The following TRABD2B variants were observed in gnomAD, a reference collection of about 807,000 sequenced individuals.
The protein encoded by TRABD2B is metalloprotease TIKI2.
In TRABD2B, 14 loss-of-function variants were observed where a neutral mutation model predicts 40.1. The observed-to-expected ratio is 0.35, with a 90% confidence interval of 0.23 to 0.55. The LOEUF (loss-of-function observed/expected upper bound fraction) is 0.55, where lower values mean the gene tolerates loss of function less well. Among genes scored for constraint, TRABD2B ranks in the 20% least tolerant of loss-of-function variants. The pLI, the probability that TRABD2B is intolerant of heterozygous loss-of-function variation, is 0.90. For synonymous variants in TRABD2B, 263 were observed against 277.0 expected (o/e 0.95, Z 0.50); for missense variants, 541 against 648.6 (o/e 0.83, Z 1.80).
chr1:47,824,421 G>A (rs1645149467), intron 2 of TRABD2B, among the ~76,000 whole-genome samples: 1 of 152,158 alleles, frequency 6.6e-6, no homozygotes. Flanking sequence ...TGCTGTACAT[G>A]CCCTTCATCC....
chr1:47,850,279 G>A (rs1364790360), intron 2 of TRABD2B, among the ~76,000 whole-genome samples: 2 of 152,224 alleles, frequency 1.3e-5, no homozygotes, highest in African/African-American at 2.4e-5. Flanking sequence ...ACGTGTGATG[G>A]AGGACTTTCT....
intron 2 of TRABD2B, among the ~76,000 whole-genome samples, chr1:47,965,042 T>C (rs1645578335): frequency 6.6e-6 from 1 of 151,820 alleles, no homozygotes; most frequent in Admixed American, 6.6e-5. Flanking sequence ...AGAGATGTAC[T>C]AAGGGGCTTT....
intron 2 of TRABD2B, among the ~76,000 whole-genome samples, chr1:47,812,161 A>G (rs184704992): frequency 6.6e-6 from 1 of 152,298 alleles, no homozygotes; most frequent in Non-Finnish European, 1.5e-5. Flanking sequence ...GATTTCATAA[A>G]CCGAACACAC....
At chr1:47,895,865 C>T (rs571857424) in intron 2 of TRABD2B, among the ~76,000 whole-genome samples, 1 of 152,242 alleles carries the variant, frequency 6.6e-6, no homozygotes, top group Non-Finnish European at 1.5e-5. Context: ...CCCAGGCCTG[C>T]CTCCTCGTAC....
chr1:47,919,114 T>G (rs1318752276), intron 2 of TRABD2B, among the ~76,000 whole-genome samples: 1 of 152,084 alleles, frequency 6.6e-6, no homozygotes, highest in Non-Finnish European at 1.5e-5. Flanking sequence ...ATTATAGGTC[T>G]CCCCAGTTCG....
At chr1:47,781,144 G>C (rs1308479748) in intron 4 of TRABD2B, among the ~76,000 whole-genome samples, 1 of 152,212 alleles carries the variant, frequency 6.6e-6, no homozygotes, top group Non-Finnish European at 1.5e-5. Context: ...GACGGGAAGA[G>C]GCAGCCTCCA....
At chr1:47,839,875 G>A (rs1446045448) in intron 2 of TRABD2B, among the ~76,000 whole-genome samples, 1 of 152,140 alleles carries the variant, frequency 6.6e-6, no homozygotes, top group East Asian at 1.9e-4. Context: ...AGTTGAGGGT[G>A]GGGAGCTGGA....
chr1:47,855,199 G>A (rs1256261598), intron 2 of TRABD2B, among the ~76,000 whole-genome samples: 1 of 152,200 alleles, frequency 6.6e-6, no homozygotes, highest in Non-Finnish European at 1.5e-5. Context: ...TTGCTACTGA[G>A]AGTTAACACA....
At chr1:47,768,347 G>A (rs954568800) in intron 6 of TRABD2B, among the ~76,000 whole-genome samples, 1 of 151,924 alleles carries the variant, frequency 6.6e-6, no homozygotes, top group Non-Finnish European at 1.5e-5. Flanking sequence ...GGAGGGCCAG[G>A]TGGCTTCCAA....
At chr1:47,825,633 C>T (rs771669312) in intron 2 of TRABD2B, among the ~76,000 whole-genome samples, 12 of 152,216 alleles carry the variant, frequency 7.9e-5, no homozygotes, top group South Asian at 4.1e-4. Flanking sequence ...CAGCCTGGTG[C>T]GGAGTAGGTG....
At chr1:47,849,671 A>C (rs1645520739) in intron 2 of TRABD2B, among the ~76,000 whole-genome samples, 1 of 152,162 alleles carries the variant, frequency 6.6e-6, no homozygotes, top group African/African-American at 2.4e-5. Context: ...GGGCATTGTC[A>C]GTCTTTGTTG....
intron 2 of TRABD2B, among the ~76,000 whole-genome samples, chr1:47,876,481 A>G (rs1644226840): frequency 6.6e-6 from 1 of 152,212 alleles, no homozygotes; most frequent in Admixed American, 6.5e-5. Flanking sequence ...CAAAAGGTCA[A>G]GAGGCCTCTA....
chr1:47,881,933 C>A lies in TRABD2B; in HGVS notation c.667-80314G>T, dbSNP rs181081135. ...ATGTGGCCGTTCATCTGCACACCCC[C>A]ATGAGGAGTTGGGCAGGGCTCAGAG... On this transcript the variant is annotated intron_variant, in intron 2 of 6. Coordinates refer to ENST00000606738, the MANE Select transcript of TRABD2B (RefSeq NM_001194986.2). Among the ~76,000 whole-genome samples, 310 of 152,314 alleles carry A rather than the reference C, an allele frequency of 2.0e-3. 2 individuals carry two copies. The highest frequency in any genetic ancestry group is 3.4e-3 in the Non-Finnish European group (230 of 68,020).
intron 2 of TRABD2B, among the ~76,000 whole-genome samples, chr1:47,990,978 T>C (rs1210720857): frequency 6.6e-6 from 1 of 150,782 alleles, no homozygotes; most frequent in African/African-American, 2.4e-5. Flanking sequence ...CCGAAGGAAA[T>C]ATCTCTACAA....
chr1:47,887,429 G>A lies in TRABD2B; in HGVS notation c.667-85810C>T, dbSNP rs373061936. Among the ~76,000 whole-genome samples the A allele has an allele frequency of 9.2e-5, 14 of 152,248 alleles. No individual in the cohort carries two copies. The East Asian group carries it at 1.2e-3, about 13-fold the overall frequency. On this transcript the variant is annotated intron_variant, in intron 2 of 6. Coordinates refer to ENST00000606738, the MANE Select transcript of TRABD2B (RefSeq NM_001194986.2). ...GGTTTTATCTGTGGCTTTGAGTGGG[G>A]TGGGGCTTGGGAGTCATGACTCAAT...
intron 2 of TRABD2B, among the ~76,000 whole-genome samples, chr1:47,892,135 T>C (rs1165596827): frequency 6.6e-6 from 1 of 152,136 alleles, no homozygotes; most frequent in Non-Finnish European, 1.5e-5. Context: ...TTACACGCAA[T>C]TGTGGTGGTG....
At chr1:47,795,779 T>C in intron 3 of TRABD2B, 7 of 852,782 alleles carry the variant, frequency 8.2e-6, no homozygotes, top group Non-Finnish European at 9.9e-6. Context: ...ACCACCACTT[T>C]CCAGGACATA....
intron 2 of TRABD2B, among the ~76,000 whole-genome samples, chr1:47,893,080 G>A (rs1250591685): frequency 6.6e-6 from 1 of 152,182 alleles, no homozygotes; most frequent in Non-Finnish European, 1.5e-5. Flanking sequence ...ACAGGTCTAT[G>A]TCCAGACGCA....
intron 2 of TRABD2B, among the ~76,000 whole-genome samples, chr1:47,831,066 C>G (rs976374124): frequency 9.2e-5 from 1 of 10,868 alleles, no homozygotes; most frequent in Non-Finnish European, 1.1e-3. Flanking sequence ...TGATTCTGTC[C>G]TTGGTTGCCA....
Sources: allele counts gnomAD v4.1 joint callset (sites outside exome capture counted in the v4.1 genomes callset), GRCh38; gene constraint gnomAD v4.1.1; transcripts MANE v1.5; gene names NCBI Gene and HGNC (gene_info 2026-07-23, HGNC 2026-07-21).